KLF13: variants seen among roughly 807,000 people sequenced by gnomAD.
The protein encoded by KLF13 is Krueppel-like factor 13.
Under a neutral mutation model 16.7 loss-of-function variants are expected in KLF13, and 8 were observed. That is an observed-to-expected ratio of 0.48 (90% CI 0.28 to 0.87). KLF13 has a LOEUF of 0.87. Ranked by LOEUF, KLF13 falls within the 40% of genes least tolerant of loss-of-function variation. The probability of loss-of-function intolerance (pLI) is 0.10; values close to 1 mark genes in which losing one functional copy is unlikely to be tolerated. For missense variants in KLF13, 447 were observed against 452.2 expected (o/e 0.99, Z 0.10); for synonymous variants, 245 against 208.4 (o/e 1.18, Z -1.51).
intron 1 of KLF13, among the ~76,000 whole-genome samples, chr15:31,369,288 G>A (rs1260757242): frequency 6.6e-6 from 1 of 152,192 alleles, no homozygotes; most frequent in East Asian, 1.9e-4. Flanking sequence ...TTGACAACTA[G>A]TGCTAAGGTT....
chr15:31,351,102 G>C (rs1467835976), intron 1 of KLF13, among the ~76,000 whole-genome samples: 1 of 152,186 alleles, frequency 6.6e-6, no homozygotes. Context: ...GGAAACCTGA[G>C]TTGGAAAGTC....
downstream of KLF13, among the ~76,000 whole-genome samples, chr15:31,378,231 A>G (rs1318650270): frequency 6.6e-6 from 1 of 152,112 alleles, no homozygotes; most frequent in East Asian, 1.9e-4. Flanking sequence ...AGTCCCCCCA[A>G]AACACCTGGA....
chr15:31,423,133 G>GTATATATATATACATATA (rs771153714), intron 1 of KLF13, among the ~76,000 whole-genome samples: 2 of 95,646 alleles, frequency 2.1e-5, no homozygotes, highest in Admixed American at 2.2e-4. Context: ...GTATATATAC[G>GTATATATATATACATATA]TATACGTATA....
intron 2 of KLF13, among the ~76,000 whole-genome samples, chr15:31,402,530 C>G (rs1169846229): frequency 1.3e-5 from 2 of 152,252 alleles, no homozygotes; most frequent in Non-Finnish European, 2.9e-5. Flanking sequence ...AGGAAGTCCA[C>G]AGAGCCTGAA....
intron 1 of KLF13, among the ~76,000 whole-genome samples, chr15:31,419,701 C>T (rs1195049520): frequency 6.6e-6 from 1 of 152,078 alleles, no homozygotes; most frequent in East Asian, 1.9e-4. Flanking sequence ...TATCAATATA[C>T]ATGTTATAGG....
At chr15:31,329,623 C>T (rs965753849) in intron 1 of KLF13, among the ~76,000 whole-genome samples, 4 of 152,156 alleles carry the variant, frequency 2.6e-5, no homozygotes, top group African/African-American at 9.7e-5. Context: ...AATATTGGCG[C>T]AGGGGCTCTG....
intron 1 of KLF13, among the ~76,000 whole-genome samples, chr15:31,427,101 G>T (rs2040409070): frequency 6.6e-6 from 1 of 152,080 alleles, no homozygotes; most frequent in Non-Finnish European, 1.5e-5. Flanking sequence ...TGGCTTTCAG[G>T]AGTCTCCAGC....
intron 2 of KLF13, among the ~76,000 whole-genome samples, chr15:31,402,624 C>T (rs1036806324): frequency 5.8e-4 from 89 of 152,358 alleles, no homozygotes; most frequent in African/African-American, 2.1e-3. Context: ...CCCGCCATCC[C>T]ACCGCCAGGA....
At chr15:31,357,925 C>T (rs1172920975) in intron 1 of KLF13, among the ~76,000 whole-genome samples, 1 of 152,106 alleles carries the variant, frequency 6.6e-6, no homozygotes, top group African/African-American at 2.4e-5. Flanking sequence ...TACTCTCTTT[C>T]CCTTTTGCTT....
intron 2 of KLF13, among the ~76,000 whole-genome samples, chr15:31,400,334 C>T (rs1174350500): frequency 6.6e-6 from 1 of 152,134 alleles, no homozygotes; most frequent in Non-Finnish European, 1.5e-5. Context: ...CAGATGGCAA[C>T]CACTAAATAG....
At position 31,373,240 on chromosome 15, in the gene KLF13, C is replaced by T. The variant is rs4779520; in HGVS notation, c.*941C>T. 0.59 allele frequency: 89,768 copies of T among 152,212 alleles called. 26,563 individuals carry two copies. The highest frequency in any genetic ancestry group is 0.65 in the Admixed American group (9,958 of 15,304). 9.4% of individuals were successfully genotyped at this position (152,212 alleles called of 1,614,324 possible). ...ACATCCAGTTCCGAGTTTGCCCGCA[C>T]GGGCACTTTTGTTGGAAACAGTGGG... On this transcript the variant is annotated 3_prime_UTR_variant, in exon 2 of 2. Coordinates refer to ENST00000307145, the MANE Select transcript of KLF13 (RefSeq NM_015995.4).
intron 2 of KLF13, among the ~76,000 whole-genome samples, chr15:31,399,392 T>G (rs2140990479): frequency 6.6e-6 from 1 of 152,332 alleles, no homozygotes; most frequent in Non-Finnish European, 1.5e-5. Flanking sequence ...CTCAAACTCC[T>G]GACCTCAGGT....
exon 3 of KLF13, chr15:31,404,353 G>T (rs905047004): frequency 6.6e-6 from 1 of 152,226 alleles, no homozygotes. Context: ...CTTCTGGGTG[G>T]GGCGGGGACT....
chr15:31,427,457 G>T (rs1049925603), intron 1 of KLF13, among the ~76,000 whole-genome samples: 2 of 152,136 alleles, frequency 1.3e-5, no homozygotes, highest in African/African-American at 4.8e-5. Context: ...CCAGCAACCT[G>T]ACTTCTGAGT....
At chr15:31,410,625 A>ACACCCC (rs561338823) in intron 1 of KLF13, among the ~76,000 whole-genome samples, 1 of 134,740 alleles carries the variant, frequency 7.4e-6, no homozygotes, top group African/African-American at 2.7e-5. Flanking sequence ...ACACACACAC[A>ACACCCC]CCCCTATAAC....
At chr15:31,415,608 A>G (rs1391278001) in intron 1 of KLF13, among the ~76,000 whole-genome samples, 3 of 152,186 alleles carry the variant, frequency 2.0e-5, no homozygotes, top group Non-Finnish European at 1.5e-5. Context: ...CGAAGATACG[A>G]CATCCCCAAA....
rs1003406979 is a variant in KLF13 at position 31,372,477 on chromosome 15, ACAC to A, written c.*183_*185del. 1.7e-5 allele frequency: 12 copies of A among 686,584 alleles called. No homozygotes were observed. The Admixed American group carries it at 2.7e-4, about 16-fold the overall frequency. 42.5% of individuals were successfully genotyped at this position (686,584 alleles called of 1,614,324 possible). On this transcript the variant is annotated 3_prime_UTR_variant, in exon 2 of 2. Transcript: ENST00000307145. The stretch of plus-strand genomic sequence containing the variant: ...AAAAAAAACACAAAAATTTCAAAAA[ACAC>A]CACCCACCAAATTGCACAATAGATA...
chr15:31,340,060 T>C (rs2038996454), intron 1 of KLF13: 1 of 702,286 alleles, frequency 1.4e-6, no homozygotes, highest in Admixed American at 2.0e-5. Flanking sequence ...TGGTGGGTGG[T>C]GTGTCCTGTG....
intron 2 of KLF13, among the ~76,000 whole-genome samples, chr15:31,397,131 G>A (rs2039962482): frequency 6.6e-6 from 1 of 151,714 alleles, no homozygotes; most frequent in African/African-American, 2.4e-5. Flanking sequence ...AGGAACATTT[G>A]CCAGGGGTCA....
Sources: gnomAD v4.1 joint callset for allele counts (sites outside exome capture counted in the v4.1 genomes callset) on GRCh38, gnomAD v4.1.1 for gene constraint, MANE v1.5 for transcripts, NCBI Gene and HGNC (gene_info 2026-07-23, HGNC 2026-07-21) for gene names.